PCNX2: variants seen among roughly 807,000 people sequenced by gnomAD.
PCNX2 encodes the protein pecanex 2.
In PCNX2, 168 loss-of-function variants were observed where a neutral mutation model predicts 223.8. That is an observed-to-expected ratio of 0.75 (90% CI 0.66 to 0.85). The LOEUF is 0.85. Among genes scored for constraint, PCNX2 ranks in the 40% least tolerant of loss-of-function variants. PCNX2 has a pLI of 0.00. For synonymous variants in PCNX2, 1,006 were observed against 1,052.6 expected, an observed-to-expected ratio of 0.96 and a Z score of 0.86; for missense variants, 2,507 against 2,675.5, an observed-to-expected ratio of 0.94 and a Z score of 1.39.
At chr1:233,218,795 A>C (rs1238221533) in intron 10 of PCNX2, among the ~76,000 whole-genome samples, 2 of 152,128 alleles carry the variant, frequency 1.3e-5, no homozygotes, top group Non-Finnish European at 2.9e-5. Context: ...AACGTAGTTA[A>C]TGATTCCATC....
intron 19 of PCNX2, among the ~76,000 whole-genome samples, chr1:233,140,342 G>C (rs1291843843): frequency 6.6e-6 from 1 of 152,126 alleles, no homozygotes; most frequent in Non-Finnish European, 1.5e-5. Flanking sequence ...AGACACAGCT[G>C]ACTCCCAAAC....
intron 21 of PCNX2, among the ~76,000 whole-genome samples, chr1:233,120,707 T>C (rs1675731833): frequency 6.6e-6 from 1 of 152,212 alleles, no homozygotes; most frequent in South Asian, 2.1e-4. Context: ...ATTCCACTTA[T>C]GTAACATTCT....
At chr1:233,162,258 C>A (rs1220904061) in intron 17 of PCNX2, among the ~76,000 whole-genome samples, 1 of 152,110 alleles carries the variant, frequency 6.6e-6, no homozygotes, top group Non-Finnish European at 1.5e-5. Context: ...ACCATCACTT[C>A]TTTTCTCTCT....
At chr1:232,998,530 A>C in intron 31 of PCNX2, 92 bp from the exon 32 acceptor site, 1 of 1,425,332 alleles carries the variant, frequency 7.0e-7, no homozygotes, top group Admixed American at 2.1e-5. Flanking sequence ...ATCGGGATCG[A>C]AGAGCGTGCT....
intron 9 of PCNX2, 62 bp from the exon 10 acceptor site, chr1:233,227,433 A>AT: frequency 7.7e-7 from 1 of 1,300,712 alleles, no homozygotes. Context: ...CATGGCCACA[A>AT]ATATATATAT....
At chr1:233,314,032 T>A in the PCNX2 span, among the ~76,000 whole-genome samples, 1 of 152,224 alleles carries the variant, frequency 6.6e-6, no homozygotes, top group Non-Finnish European at 1.5e-5. Flanking sequence ...ATGCAGGCAC[T>A]TGTGCAAATG....
intron 1 of PCNX2, among the ~76,000 whole-genome samples, chr1:233,276,028 C>CA (rs201409126): frequency 0.037 from 4,602 of 125,022 alleles, 128 homozygotes; most frequent in African/African-American, 0.083. Flanking sequence ...AGACTGTCTC[C>CA]AAAAAAAAAA....
chr1:233,259,156 G>A lies in PCNX2; in HGVS notation c.706C>T (p.Gln236Ter), dbSNP rs765557457. 1.2e-6 allele frequency: 2 copies of A among 1,613,894 alleles called. No individual in the cohort carries two copies. The highest frequency in any genetic ancestry group is 2.2e-5 in the South Asian group (2 of 91,086). The change falls in exon 5 of 34, where the codon CAG (glutamine) becomes TAG (stop). Residue 236 changes from glutamine to a stop codon, truncating the protein, a stop_gained. Transcript: ENST00000258229. LOFTEE classifies it high-confidence loss of function. ...GKGKERGGKGQPPLRHRSEGG... is the reference protein window; with the variant it reads ...GKGKERGGKG ...TCGGATCTGTGGCGCAAAGGAGGCT[G>A]CCCCTTGCCTCCTCTTTCCTTTCCT...
intron 8 of PCNX2, among the ~76,000 whole-genome samples, chr1:233,250,268 A>C (rs1010524016): frequency 2.2e-5 from 2 of 89,654 alleles, no homozygotes; most frequent in Non-Finnish European, 4.7e-5. Context: ...AACTTCATCA[A>C]CTAATTAATA....
At chr1:233,083,305 G>A (rs534361662) in intron 23 of PCNX2, among the ~76,000 whole-genome samples, 2 of 152,202 alleles carry the variant, frequency 1.3e-5, no homozygotes, top group South Asian at 4.1e-4. Flanking sequence ...GGGTGGCAAA[G>A]GAAGGAGAGC....
intron 28 of PCNX2, among the ~76,000 whole-genome samples, chr1:233,009,423 T>C (rs887465329): frequency 1.2e-4 from 18 of 152,228 alleles, no homozygotes; most frequent in Non-Finnish European, 1.5e-5. Context: ...ATTGGTGATA[T>C]TGCTTCAAAT....
intron 21 of PCNX2, among the ~76,000 whole-genome samples, chr1:233,125,507 C>A (rs1190383655): frequency 1.3e-5 from 2 of 152,162 alleles, no homozygotes; most frequent in Non-Finnish European, 2.9e-5. Flanking sequence ...AATGCAGTGG[C>A]CACCAGCCAC....
intron 28 of PCNX2, among the ~76,000 whole-genome samples, chr1:233,009,944 T>C (rs1474581981): frequency 6.6e-6 from 1 of 152,248 alleles, no homozygotes; most frequent in Non-Finnish European, 1.5e-5. Context: ...TGCTCCTTTG[T>C]AGGCTATCAT....
At chr1:233,300,924 G>A in the PCNX2 span, among the ~76,000 whole-genome samples, 3 of 152,244 alleles carry the variant, frequency 2.0e-5, no homozygotes, top group South Asian at 6.2e-4. Context: ...GGGCCCCCAT[G>A]AACAGCTGGA....
Position 233,258,772 on chromosome 1 carries a change from G to C in PCNX2, c.1090C>G (p.Pro364Ala). The C allele has an allele frequency of 6.2e-7, 1 of 1,613,914 alleles. No homozygotes were observed. Among genetic ancestry groups the C allele is most frequent in the African/African-American group, 1.3e-5 (1 of 75,034 alleles). Residue 364 changes from proline (P) to alanine (A), a missense_variant, in exon 5 of 34, where the codon CCC becomes GCC. Pro to Ala is a conservative substitution (Grantham distance 27). This residue lies in a region of PCNX2 where 1,031 missense variants were observed against 1,021.7 expected (regional missense o/e 1.01). Coordinates refer to ENST00000258229, the MANE Select transcript of PCNX2 (RefSeq NM_014801.4). ...VAVTLIDTSQ[P>A]GDPLSLHEPI... ...TCATGTAGACTCAGTGGGTCTCCGG[G>C]TTGAGAAGTATCGATGAGAGTAACA... is the stretch of plus-strand genomic sequence containing the variant.
chr1:233,007,663 G>A lies in PCNX2; in HGVS notation c.4953-5982C>T, dbSNP rs139545465. Among the ~76,000 whole-genome samples, 1,382 of 151,762 alleles carry A rather than the reference G, an allele frequency of 9.1e-3. 23 individuals are homozygous for A. The highest frequency in any genetic ancestry group is 0.031 in the African/African-American group (1,266 of 41,386). ...AATGATTCTCGCACCTCAGCCTCCC[G>A]AGTAGCTGGGATTACAGGCACCTGC... On this transcript the variant is annotated intron_variant, in intron 28 of 33. Transcript: ENST00000258229.
chr1:233,259,323 T>C lies in PCNX2; in HGVS notation c.539A>G (p.His180Arg), dbSNP rs1659924344. 3 of 1,612,620 alleles carry C rather than the reference T, an allele frequency of 1.9e-6. No homozygotes were observed. Among genetic ancestry groups the C allele is most frequent in the Non-Finnish European group, 1.7e-6 (2 of 1,179,214 alleles). Residue 180 changes from histidine to arginine, a missense_variant, in exon 5 of 34, where the codon CAT becomes CGT. Transcript: ENST00000258229. ...DLKGVILLED[H>R]PIAPVSSTSP... ...GGTAGATGACACTGGTGCTATGGGA[T>C]GGTCTTCTAATAGAATGACACCTGA...
chr1:233,144,433 T>C (rs1677307570), intron 19 of PCNX2, among the ~76,000 whole-genome samples: 1 of 152,160 alleles, frequency 6.6e-6, no homozygotes, highest in African/African-American at 2.4e-5. Flanking sequence ...GGTGTGCATA[T>C]AGCAAGCTTC....
rs1373950496 is a variant in PCNX2, at chr1:233,225,134, AAAAAT to A, written c.2504+2087_2504+2091del. 8.7e-4 allele frequency among the ~76,000 whole-genome samples: 132 copies of A among 151,256 alleles called. 1 individual carries two copies. The highest frequency in any genetic ancestry group is 3.1e-3 in the African/African-American group (127 of 41,140). On this transcript the variant is annotated intron_variant, in intron 10 of 33. Coordinates refer to ENST00000258229, the MANE Select transcript of PCNX2 (RefSeq NM_014801.4). ...GTAAAAAAAAAAAAAAAAAAAAAAAAAAAATGTTATGTTACCTATGAACTAACAGT... is the reference window on the plus strand; with the variant it reads ...GTAAAAAAAAAAAAAAAAAAAAAAAAGTTATGTTACCTATGAACTAACAGT...
Sources: gnomAD v4.1 joint callset for allele counts (sites outside exome capture counted in the v4.1 genomes callset) on GRCh38, gnomAD v4.1.1 for gene constraint, gnomAD v4.1.1 regional missense constraint, MANE v1.5 for transcripts, NCBI Gene and HGNC (gene_info 2026-07-23, HGNC 2026-07-21) for gene names.